Variants in CNTN5 observed in about 807,000 individuals in gnomAD.
The protein encoded by CNTN5 is contactin-5.
CNTN5 carries 77 observed loss-of-function variants against 129.1 expected under a neutral mutation model. The ratio of observed to expected loss-of-function variants is 0.60; its 90% CI spans 0.50 to 0.72. The LOEUF (loss-of-function observed/expected upper bound fraction) is 0.72, where lower values mean the gene tolerates loss of function less well. CNTN5 is among the 30% of genes least tolerant of loss of function. The probability of loss-of-function intolerance (pLI) is 0.00; values close to 1 mark genes in which losing one functional copy is unlikely to be tolerated. For missense variants in CNTN5, 1,478 were observed against 1,328.8 expected, an observed-to-expected ratio of 1.11 and a Z score of -1.75; for synonymous variants, 509 against 465.6, an observed-to-expected ratio of 1.09 and a Z score of -1.20.
chr11:99,178,256 G>A (rs968386703), intron 1 of CNTN5, among the ~76,000 whole-genome samples: 1 of 151,316 alleles, frequency 6.6e-6, no homozygotes, highest in Non-Finnish European at 1.5e-5. Flanking sequence ...CAAGGCAGGA[G>A]GATCACTTCA....
intron 9 of CNTN5, among the ~76,000 whole-genome samples, chr11:100,043,659 T>A (rs1942492388): frequency 6.6e-6 from 1 of 152,134 alleles, no homozygotes; most frequent in African/African-American, 2.4e-5. Context: ...GTACATGGAT[T>A]TTCCTGCCAG....
chr11:99,488,033 G>A (rs761589654), intron 2 of CNTN5, among the ~76,000 whole-genome samples: 1 of 151,944 alleles, frequency 6.6e-6, no homozygotes, highest in Non-Finnish European at 1.5e-5. Flanking sequence ...TGCATTAGCT[G>A]CTATCATGAA....
Position 100,357,246 on chromosome 11 carries a change from A to G in CNTN5, c.*1026A>G, listed in dbSNP as rs190250407. On this transcript the variant is annotated 3_prime_UTR_variant, in exon 25 of 25. Transcript: ENST00000524871. ...ATAACAAATAAGTTTTGATTTTTAA[A>G]AACAGTTCCATGCATCACATACCAC... 5 of 151,942 alleles carry G rather than the reference A, an allele frequency of 3.3e-5. No individual in the cohort carries two copies. The highest frequency in any genetic ancestry group is 4.8e-5 in the African/African-American group (2 of 41,552). 9.4% of individuals were successfully genotyped at this position (151,942 alleles called of 1,614,324 possible).
chr11:100,177,611 C>T (rs989026115), intron 13 of CNTN5, among the ~76,000 whole-genome samples: 1 of 152,100 alleles, frequency 6.6e-6, no homozygotes, highest in Non-Finnish European at 1.5e-5. Context: ...GCTTAGATAC[C>T]ACTTTCACCT....
intron 7 of CNTN5, among the ~76,000 whole-genome samples, chr11:99,932,033 C>T (rs1233765885): frequency 6.6e-6 from 1 of 152,094 alleles, no homozygotes; most frequent in Non-Finnish European, 1.5e-5. Flanking sequence ...TTTGAGTCTC[C>T]TGTATAGTTT....
intron 2 of CNTN5, among the ~76,000 whole-genome samples, chr11:99,450,819 G>C (rs979181299): frequency 6.9e-6 from 1 of 145,962 alleles, no homozygotes; most frequent in African/African-American, 2.6e-5. Flanking sequence ...GAAAGGGAAA[G>C]GGCTTTGAGT....
chr11:100,010,379 C>T (rs771920116), intron 9 of CNTN5, among the ~76,000 whole-genome samples: 5 of 152,016 alleles, frequency 3.3e-5, no homozygotes, highest in Non-Finnish European at 7.4e-5. Flanking sequence ...ACCCCTAGGA[C>T]CAAGAATTCT....
chr11:100,094,447 C>G (rs1366344170), intron 13 of CNTN5, among the ~76,000 whole-genome samples: 4 of 152,064 alleles, frequency 2.6e-5, no homozygotes, highest in African/African-American at 9.7e-5. Context: ...TTCTTACTAG[C>G]CTTGATTTTT....
intron 3 of CNTN5, among the ~76,000 whole-genome samples, chr11:99,569,325 A>T (rs551772708): frequency 1.9e-4 from 29 of 151,546 alleles, no homozygotes; most frequent in African/African-American, 7.0e-4. Context: ...TTATTTATTT[A>T]TTTTTTGAGG....
intron 2 of CNTN5, among the ~76,000 whole-genome samples, chr11:99,434,281 G>A (rs1943515797): frequency 6.6e-6 from 1 of 152,034 alleles, no homozygotes; most frequent in South Asian, 2.1e-4. Context: ...AAAAACAGTA[G>A]ATAATATACA....
chr11:99,815,071 G>C (rs1946541139), intron 3 of CNTN5, among the ~76,000 whole-genome samples: 1 of 152,104 alleles, frequency 6.6e-6, no homozygotes, highest in Non-Finnish European at 1.5e-5. Context: ...CCTCCGTTTG[G>C]TTTCTGCCTT....
At chr11:99,568,926 G>T (rs977460766) in intron 3 of CNTN5, among the ~76,000 whole-genome samples, 6 of 152,176 alleles carry the variant, frequency 3.9e-5, no homozygotes, top group African/African-American at 9.6e-5. Flanking sequence ...ATCTGGAAAA[G>T]AACATTTTCC....
intron 21 of CNTN5, among the ~76,000 whole-genome samples, chr11:100,323,531 G>A (rs1012544219): frequency 2.0e-5 from 3 of 151,924 alleles, no homozygotes; most frequent in Non-Finnish European, 2.9e-5. Context: ...TCTCATTTGG[G>A]TCGGGGTTTG....
chr11:99,972,480 C>A (rs1409838978), intron 8 of CNTN5, among the ~76,000 whole-genome samples: 1 of 152,126 alleles, frequency 6.6e-6, no homozygotes, highest in Non-Finnish European at 1.5e-5. Flanking sequence ...CCTCTCCCAG[C>A]TGAAAGTACT....
chr11:99,901,941 G>A (rs1949368858), intron 6 of CNTN5, among the ~76,000 whole-genome samples: 1 of 152,122 alleles, frequency 6.6e-6, no homozygotes, highest in Non-Finnish European at 1.5e-5. Context: ...TCATTTTGAG[G>A]TAGGTATTGT....
chr11:99,326,957 T>A (rs1292768584), intron 2 of CNTN5, among the ~76,000 whole-genome samples: 1 of 152,198 alleles, frequency 6.6e-6, no homozygotes, highest in Non-Finnish European at 1.5e-5. Context: ...ATAATCTGTA[T>A]TCTGTCTATA....
intron 7 of CNTN5, among the ~76,000 whole-genome samples, chr11:99,936,652 C>T (rs1359074640): frequency 2.6e-5 from 4 of 152,246 alleles, no homozygotes; most frequent in Non-Finnish European, 5.9e-5. Context: ...AGGATCAGGG[C>T]ATATGGGGAG....
intron 3 of CNTN5, among the ~76,000 whole-genome samples, chr11:99,640,927 A>T (rs1411624639): frequency 6.6e-6 from 1 of 152,214 alleles, no homozygotes; most frequent in Non-Finnish European, 1.5e-5. Flanking sequence ...TCTCTTTTTC[A>T]TACCTACCTT....
chr11:100,002,233 A>T (rs538394212), intron 9 of CNTN5, 97 bp downstream of exon 9: 1 of 739,990 alleles, frequency 1.4e-6, no homozygotes. Context: ...TCATTTCCCC[A>T]GTTGTTCCAT....
Sources: allele counts gnomAD v4.1 joint callset (sites outside exome capture counted in the v4.1 genomes callset), GRCh38; gene constraint gnomAD v4.1.1; transcripts MANE v1.5; gene names NCBI Gene and HGNC (gene_info 2026-07-23, HGNC 2026-07-21).